Variants in MOB1B observed in about 807,000 individuals in gnomAD.
MOB1B encodes MOB1 Mps One Binder homolog B.
Under a neutral mutation model 24.4 loss-of-function variants are expected in MOB1B, and 19 were observed. The ratio of observed to expected loss-of-function variants is 0.78; its 90% CI spans 0.54 to 1.14. MOB1B has a LOEUF of 1.14. MOB1B is among the 50% of genes most tolerant of loss of function. The pLI, the probability that MOB1B is intolerant of heterozygous loss-of-function variation, is 0.00. For missense variants in MOB1B, 243 were observed against 259.6 expected, an observed-to-expected ratio of 0.94 and a Z score of 0.44; for synonymous variants, 76 against 82.1, an observed-to-expected ratio of 0.93 and a Z score of 0.40.
At chr4:70,965,458 C>G (rs1738482180) in intron 2 of MOB1B, among the ~76,000 whole-genome samples, 1 of 150,146 alleles carries the variant, frequency 6.7e-6, no homozygotes, top group South Asian at 2.1e-4. Flanking sequence ...TAACCAATAT[C>G]AGGGATAAAA....
chr4:70,950,984 T>G (rs1737780102), intron 1 of MOB1B, among the ~76,000 whole-genome samples: 1 of 152,192 alleles, frequency 6.6e-6, no homozygotes, highest in African/African-American at 2.4e-5. Context: ...GTGGTTAGAC[T>G]AATAACTCAC....
intron 2 of MOB1B, among the ~76,000 whole-genome samples, chr4:70,967,418 G>A (rs528692176): frequency 3.2e-4 from 49 of 152,200 alleles, no homozygotes; most frequent in African/African-American, 1.2e-3. Context: ...ACAGGCGTGA[G>A]CCACCGCACC....
chr4:70,972,277 G>C (rs1449293557), intron 3 of MOB1B, among the ~76,000 whole-genome samples: 1 of 151,884 alleles, frequency 6.6e-6, no homozygotes, highest in African/African-American at 2.4e-5. Context: ...GCAGTGGTGC[G>C]ATCTTGGCTT....
intron 3 of MOB1B, among the ~76,000 whole-genome samples, chr4:70,974,767 G>A (rs1256287261): frequency 1.3e-5 from 2 of 152,170 alleles, no homozygotes. Context: ...AAAAAGAATT[G>A]TACTGTGTAA....
intron 1 of MOB1B, among the ~76,000 whole-genome samples, chr4:70,911,211 C>T (rs1030921698): frequency 6.6e-6 from 1 of 152,004 alleles, no homozygotes; most frequent in East Asian, 1.9e-4. Flanking sequence ...GAATAGATTT[C>T]TGCAACATCA....
intron 3 of MOB1B, among the ~76,000 whole-genome samples, chr4:70,973,300 C>T (rs1213595441): frequency 2.0e-5 from 3 of 151,434 alleles, no homozygotes; most frequent in African/African-American, 7.3e-5. Flanking sequence ...CATGGTTGTG[C>T]CCGTCTCTTA....
intron 1 of MOB1B, chr4:70,950,899 C>T: frequency 1.3e-6 from 1 of 764,836 alleles, no homozygotes; most frequent in Admixed American, 2.0e-5. Context: ...TTATTATCTC[C>T]ATTTTGTAGA....
At chr4:70,953,369 A>G (rs992466421) in intron 1 of MOB1B, among the ~76,000 whole-genome samples, 1 of 152,148 alleles carries the variant, frequency 6.6e-6, no homozygotes, top group East Asian at 1.9e-4. Flanking sequence ...TTTTAAAAAG[A>G]GTATTTTTTA....
chr4:70,915,312 A>AT (rs1736154283), intron 1 of MOB1B, among the ~76,000 whole-genome samples: 1 of 152,242 alleles, frequency 6.6e-6, no homozygotes, highest in African/African-American at 2.4e-5. Flanking sequence ...AGAATTGGAC[A>AT]AAATGCACAG....
At chr4:70,932,281 C>G (rs1578363414) in intron 1 of MOB1B, among the ~76,000 whole-genome samples, 1 of 152,114 alleles carries the variant, frequency 6.6e-6, no homozygotes, top group East Asian at 1.9e-4. Flanking sequence ...GATTTGCAAT[C>G]AAAATGATTG....
chr4:70,954,463 C>G (rs113141937), intron 1 of MOB1B, among the ~76,000 whole-genome samples: 2 of 152,062 alleles, frequency 1.3e-5, no homozygotes, highest in African/African-American at 4.8e-5. Flanking sequence ...TTTTCTTTTT[C>G]TTTTTCTTTT....
At chr4:70,930,511 A>C (rs1578361886) in intron 1 of MOB1B, among the ~76,000 whole-genome samples, 1 of 152,340 alleles carries the variant, frequency 6.6e-6, no homozygotes, top group Admixed American at 6.5e-5. Context: ...CATGTGAAGA[A>C]TATGCTTTTA....
chr4:70,903,033 C>T lies in MOB1B; in HGVS notation c.14+483C>T, dbSNP rs560294798. Among the ~76,000 whole-genome samples, 46 of 152,276 alleles carry T rather than the reference C, an allele frequency of 3.0e-4. No homozygotes were observed. The South Asian group carries it at 6.6e-3, about 22-fold the overall frequency. ...GTCATCCCAGGACCCTTTTAACTTC[C>T]TCTCTCGTCTTAGGGCTGGGAAGTT... On this transcript the variant is annotated intron_variant, in intron 1 of 5. Coordinates refer to ENST00000309395, the MANE Select transcript of MOB1B (RefSeq NM_173468.4).
At chr4:70,902,029 C>T (rs974310850), upstream of MOB1B, among the ~76,000 whole-genome samples, 1 of 152,206 alleles carries the variant, frequency 6.6e-6, no homozygotes, top group Non-Finnish European at 1.5e-5. Flanking sequence ...ACCTTGACAT[C>T]CCCGAGCTGA....
intron 2 of MOB1B, among the ~76,000 whole-genome samples, chr4:70,961,198 G>C (rs959723446): frequency 1.3e-5 from 2 of 152,176 alleles, no homozygotes; most frequent in Admixed American, 1.3e-4. Flanking sequence ...CAGTTATACT[G>C]TAGTAAAAGT....
At chr4:70,963,369 GAAATA>G (rs1386967137) in intron 2 of MOB1B, among the ~76,000 whole-genome samples, 2 of 151,644 alleles carry the variant, frequency 1.3e-5, no homozygotes, top group Non-Finnish European at 2.9e-5. Context: ...CTAAAAAAAT[GAAATA>G]AAATAGAATT....
At chr4:70,950,558 A>AT (rs1314644479) in intron 1 of MOB1B, 4 of 399,410 alleles carry the variant, frequency 1.0e-5, no homozygotes, top group African/African-American at 8.0e-5. Flanking sequence ...TAGATTTGTC[A>AT]TCCATAAAAT....
chr4:70,943,035 G>T (rs1327322458), intron 1 of MOB1B, among the ~76,000 whole-genome samples: 2 of 152,100 alleles, frequency 1.3e-5, no homozygotes, highest in African/African-American at 4.8e-5. Context: ...AACATGAAGT[G>T]CTCAGAACTT....
chr4:70,929,647 A>ATTTT (rs1306346318), intron 1 of MOB1B, among the ~76,000 whole-genome samples: 1 of 135,268 alleles, frequency 7.4e-6, no homozygotes, highest in Non-Finnish European at 1.6e-5. Context: ...CACCAAGCTA[A>ATTTT]TTTTTTTTTT....
Sources: gnomAD v4.1 joint callset for allele counts (sites outside exome capture counted in the v4.1 genomes callset) on GRCh38, gnomAD v4.1.1 for gene constraint, MANE v1.5 for transcripts, NCBI Gene and HGNC (gene_info 2026-07-23, HGNC 2026-07-21) for gene names.